The following PHACTR1 variants were observed in gnomAD, a reference collection of about 807,000 sequenced individuals.
The protein encoded by PHACTR1 is phosphatase and actin regulator 1, also known as RPEL repeat containing 1.
In PHACTR1, 16 loss-of-function variants were observed where a neutral mutation model predicts 69.2. That is an observed-to-expected ratio of 0.23 (90% confidence interval 0.16 to 0.35). The LOEUF is 0.35. PHACTR1 is among the 10% of genes least tolerant of loss of function. The probability of loss-of-function intolerance (pLI) is 1.00; values close to 1 mark genes in which losing one functional copy is unlikely to be tolerated. For synonymous variants in PHACTR1, 312 were observed against 284.5 expected (o/e 1.10, Z -0.97); for missense variants, 510 against 734.7 (o/e 0.69, Z 3.54).
At chr6:12,958,611 C>T (rs1473842193) in intron 4 of PHACTR1, among the ~76,000 whole-genome samples, 1 of 152,168 alleles carries the variant, frequency 6.6e-6, no homozygotes, top group Non-Finnish European at 1.5e-5. Flanking sequence ...AGAAATGCTA[C>T]ATGGATTCTT....
intron 4 of PHACTR1, among the ~76,000 whole-genome samples, chr6:12,895,743 A>G (rs1487524935): frequency 6.6e-6 from 1 of 152,224 alleles, no homozygotes; most frequent in African/African-American, 2.4e-5. Context: ...TTGATTCTCG[A>G]GCCTAGCTGC....
Position 13,275,995 on chromosome 6 carries a change from ACTGT to A in PHACTR1, c.1448-2269_1448-2266del, listed in dbSNP as rs980903001. On this transcript the variant is annotated intron_variant, in intron 11 of 14. Coordinates refer to ENST00000332995, the MANE Select transcript of PHACTR1 (RefSeq NM_030948.6). The surrounding 1 kb of genome is among the most constrained non-coding windows in gnomAD (Gnocchi z 4.0). ...TGAAATTTGCATTTGTACAAATGTCACTGTCTGGGGGCTCCCTACTTCCGGGTGT... is the reference window on the plus strand; with the variant it reads ...TGAAATTTGCATTTGTACAAATGTCACTGGGGGCTCCCTACTTCCGGGTGT... 1.3e-5 allele frequency: 2 copies of A among 152,110 alleles called. No individual in the cohort carries two copies. The highest frequency in any genetic ancestry group is 4.8e-5 in the African/African-American group (2 of 41,396). 9.4% of individuals were successfully genotyped at this position (152,110 alleles called of 1,614,324 possible).
chr6:12,806,741 A>G (rs972989918), intron 4 of PHACTR1, among the ~76,000 whole-genome samples: 1 of 152,198 alleles, frequency 6.6e-6, no homozygotes, highest in Non-Finnish European at 1.5e-5. Context: ...TTTTTATAAA[A>G]CAGATCTGCA....
chr6:13,206,888 A>G (rs189411072), intron 8 of PHACTR1, among the ~76,000 whole-genome samples: 221 of 152,322 alleles, frequency 1.5e-3, no homozygotes, highest in Non-Finnish European at 1.2e-3. Context: ...CGTGGGGAGA[A>G]CGTGCAGACT....
chr6:13,136,990 G>T (rs1452697770), intron 5 of PHACTR1, among the ~76,000 whole-genome samples: 1 of 152,224 alleles, frequency 6.6e-6, no homozygotes, highest in Non-Finnish European at 1.5e-5. Flanking sequence ...TTATCAAAAT[G>T]TGACACAGAG....
chr6:13,205,140 G>A (rs1002953593), intron 7 of PHACTR1, among the ~76,000 whole-genome samples: 1 of 152,180 alleles, frequency 6.6e-6, no homozygotes, highest in Admixed American at 6.5e-5. Flanking sequence ...CACCTATGGA[G>A]GAAAGCAGAA....
intron 4 of PHACTR1, among the ~76,000 whole-genome samples, chr6:13,002,850 A>G (rs1480922996): frequency 6.6e-6 from 1 of 152,224 alleles, no homozygotes; most frequent in Non-Finnish European, 1.5e-5. Context: ...GGTAAGTCAC[A>G]TGCATTAATG....
chr6:13,156,762 C>T (rs749693895), intron 5 of PHACTR1, among the ~76,000 whole-genome samples: 16 of 152,302 alleles, frequency 1.1e-4, no homozygotes, highest in African/African-American at 3.1e-4. Flanking sequence ...TGGACAGCAC[C>T]GTCCATTGAG....
intron 10 of PHACTR1, among the ~76,000 whole-genome samples, chr6:13,263,561 G>A (rs1187872355): frequency 1.3e-5 from 2 of 152,108 alleles, no homozygotes; most frequent in Admixed American, 1.3e-4. Context: ...CACATATATA[G>A]TAGCAAAGCT....
At chr6:12,889,783 CCTT>C (rs1471055327) in intron 4 of PHACTR1, among the ~76,000 whole-genome samples, 4 of 144,144 alleles carry the variant, frequency 2.8e-5, no homozygotes, top group Non-Finnish European at 6.0e-5. Context: ...TCCTCCTCCT[CCTT>C]CTCCTTCTTC....
At chr6:13,272,763 C>T (rs1778027444) in intron 10 of PHACTR1, 97 bp from the exon 11 acceptor site, 1 of 1,613,270 alleles carries the variant, frequency 6.2e-7, no homozygotes. Context: ...AGAACTCCAG[C>T]CACTGACTGT....
intron 5 of PHACTR1, among the ~76,000 whole-genome samples, chr6:13,130,934 T>C (rs764869217): frequency 2.4e-4 from 37 of 151,994 alleles, no homozygotes; most frequent in Non-Finnish European, 4.1e-4. Flanking sequence ...CTGAATCCAA[T>C]TGCATATCAA....
chr6:12,775,423 A>G (rs531566425), intron 4 of PHACTR1, among the ~76,000 whole-genome samples: 17 of 152,354 alleles, frequency 1.1e-4, no homozygotes, highest in South Asian at 1.0e-3. Flanking sequence ...GAGAACACAC[A>G]TCTGTTTCCA....
chr6:12,953,571 A>C (rs763100437), intron 4 of PHACTR1, among the ~76,000 whole-genome samples: 3 of 152,254 alleles, frequency 2.0e-5, no homozygotes, highest in Non-Finnish European at 4.4e-5. Flanking sequence ...TGTTTATAAG[A>C]ATGACCTAAA....
At chr6:12,895,807 G>T (rs1784614884) in intron 4 of PHACTR1, among the ~76,000 whole-genome samples, 1 of 152,226 alleles carries the variant, frequency 6.6e-6, no homozygotes, top group African/African-American at 2.4e-5. Context: ...CAGAGATTCT[G>T]CCTTCATTGG....
At chr6:13,239,391 G>A (rs1039052113) in intron 10 of PHACTR1, among the ~76,000 whole-genome samples, 6 of 152,174 alleles carry the variant, frequency 3.9e-5, no homozygotes, top group African/African-American at 1.2e-4. Flanking sequence ...GCACGCAATA[G>A]AAAATCCTTT....
intron 3 of PHACTR1, among the ~76,000 whole-genome samples, chr6:12,724,434 G>A (rs1277280754): frequency 6.6e-6 from 1 of 152,210 alleles, no homozygotes; most frequent in Non-Finnish European, 1.5e-5. Context: ...TTTGGGAAGC[G>A]GGAATCCTAT....
intron 4 of PHACTR1, among the ~76,000 whole-genome samples, chr6:12,942,339 T>C (rs945046832): frequency 1.1e-4 from 17 of 152,222 alleles, no homozygotes; most frequent in African/African-American, 4.1e-4. Context: ...AGAAACACAA[T>C]ACAAGCTAAT....
intron 4 of PHACTR1, among the ~76,000 whole-genome samples, chr6:12,826,345 A>G (rs1349664070): frequency 6.6e-6 from 1 of 152,248 alleles, no homozygotes; most frequent in African/African-American, 2.4e-5. Flanking sequence ...AAACATTTAT[A>G]TCATGATGAC....
Sources: allele counts gnomAD v4.1 joint callset (sites outside exome capture counted in the v4.1 genomes callset), GRCh38; gene constraint gnomAD v4.1.1; non-coding constraint Gnocchi (gnomAD v3.1); transcripts MANE v1.5; gene names NCBI Gene and HGNC (gene_info 2026-07-23, HGNC 2026-07-21).